NUP210: variants seen among roughly 807,000 people sequenced by gnomAD.
The protein encoded by NUP210 is nuclear pore membrane glycoprotein 210.
NUP210 carries 151 observed loss-of-function variants against 196.0 expected under a neutral mutation model. The observed-to-expected ratio is 0.77, with a 90% CI of 0.67 to 0.88. NUP210 has a LOEUF of 0.88. NUP210 is among the 40% of genes least tolerant of loss of function. The pLI, the probability that NUP210 is intolerant of heterozygous loss-of-function variation, is 0.00. For synonymous variants in NUP210, 1,070 were observed against 1,052.7 expected (o/e 1.02, Z -0.32); for missense variants, 2,314 against 2,493.7 (o/e 0.93, Z 1.53).
chr3:13,385,888 T>TACA (rs1443927983), intron 6 of NUP210, among the ~76,000 whole-genome samples: 1 of 152,206 alleles, frequency 6.6e-6, no homozygotes, highest in African/African-American at 2.4e-5. Flanking sequence ...CAACCCTTGC[T>TACA]ACAACATGGA....
In NUP210 at chr3:13,322,285, A is replaced by C; in HGVS notation, c.4823T>G (p.Leu1608Arg). 1 of 1,614,162 alleles carries C rather than the reference A, an allele frequency of 6.2e-7. No individual in the cohort carries two copies. The highest frequency in any genetic ancestry group is 8.5e-7 in the Non-Finnish European group (1 of 1,180,026). The change falls in exon 35 of 40, where the codon CTC becomes CGC. Residue 1608 changes from leucine (L) to arginine (R), a missense_variant. Coordinates refer to ENST00000254508, the MANE Select transcript of NUP210 (RefSeq NM_024923.4). ...EVIQALHPET[L>R]ISCQSQFKPA... ...CTTGAACTGGGACTGGCAGCTGATG[A>C]GGGTCTCTGGGTGCAAGGCCTGGAT...
chr3:13,360,433 A>C lies in NUP210; in HGVS notation c.1991T>G (p.Phe664Cys), dbSNP rs766285119. ...VTLGSSKEMLFEGGPRPWILE... is the reference protein window; with the variant it reads ...VTLGSSKEMLCEGGPRPWILE... ...GATCCAAGGTCTGGGACCTCCTTCAAACAGCATCTCCTTTGAGGAGCCCAG... is the reference window on the plus strand; with the variant it reads ...GATCCAAGGTCTGGGACCTCCTTCACACAGCATCTCCTTTGAGGAGCCCAG... Residue 664 changes from phenylalanine (F) to cysteine (C), a missense_variant, in exon 15 of 40, where the codon TTT becomes TGT. Coordinates refer to ENST00000254508, the MANE Select transcript of NUP210 (RefSeq NM_024923.4). 1 of 1,613,910 alleles carries C rather than the reference A, an allele frequency of 6.2e-7. No homozygotes were observed. Among genetic ancestry groups the C allele is most frequent in the Non-Finnish European group, 8.5e-7 (1 of 1,179,944 alleles).
chr3:13,375,430 A>G (rs34972175), intron 11 of NUP210, 74 bp downstream of exon 11: 53 of 1,422,210 alleles, frequency 3.7e-5, no homozygotes, highest in Non-Finnish European at 5.1e-5. Context: ...ACTAAAAGTA[A>G]TAGAATGGAC....
rs746541488 is a variant in NUP210, at chr3:13,323,352, G to C, written c.4725C>G (p.Ser1575=). The C allele has an allele frequency of 3.1e-6, 5 of 1,614,118 alleles. No individual in the cohort carries two copies. In the South Asian group the frequency reaches 4.4e-5, roughly 14 times the overall value. ...TGTCTCCCACGGCAACAATCACTTTGGAGGCTGTAGCCTCCTGGAAGCTGG... is the reference window on the plus strand; with the variant it reads ...TGTCTCCCACGGCAACAATCACTTTCGAGGCTGTAGCCTCCTGGAAGCTGG... ...IQTSFQEATA[S]KVIVAVGDRS... is the part of the protein sequence containing the mutation. The change falls in exon 34 of 40, where the codon TCC becomes TCG. Residue 1575 remains serine (S), a synonymous_variant. Coordinates refer to ENST00000254508, the MANE Select transcript of NUP210 (RefSeq NM_024923.4). The surrounding 1 kb of genome is among the most constrained non-coding windows in gnomAD (Gnocchi z 4.3).
chr3:13,330,142 T>G (rs982013181), intron 30 of NUP210, among the ~76,000 whole-genome samples: 1 of 152,206 alleles, frequency 6.6e-6, no homozygotes, highest in Non-Finnish European at 1.5e-5. Flanking sequence ...GCACAGTGGG[T>G]GGAGCACCCG....
rs1697765073 is a variant in NUP210, at chr3:13,347,047, A to T, written c.2836-3744T>A. The stretch of plus-strand genomic sequence containing the variant: ...GGATGCACCTGACTTCAGGCCCTGC[A>T]ATTGCCACCCACTCCCCACTCATCC... On this transcript the variant is annotated intron_variant, in intron 20 of 39. Transcript: ENST00000254508. The surrounding 1 kb of genome is among the most constrained non-coding windows in gnomAD (Gnocchi z 4.7). The T allele has an allele frequency of 1.0e-6, 1 of 985,244 alleles. No individual in the cohort carries two copies. The highest frequency in any genetic ancestry group is 6.2e-5 in the Admixed American group (1 of 16,260). 61.0% of individuals were successfully genotyped at this position (985,244 alleles called of 1,614,324 possible). A position where few individuals can be genotyped will look rare whatever the true frequency, so the allele number is the denominator to read the frequency against.
intron 32 of NUP210, 81 bp downstream of exon 32, chr3:13,327,136 G>C: frequency 8.8e-7 from 1 of 1,133,658 alleles, no homozygotes; most frequent in Middle Eastern, 2.0e-4. Flanking sequence ...GACTGGTGCC[G>C]AGCCCCTGCC....
In NUP210 at chr3:13,335,510, T is replaced by C. The variant is rs1396100648; in HGVS notation, c.3787A>G (p.Thr1263Ala). 3 of 1,614,090 alleles carry C rather than the reference T, an allele frequency of 1.9e-6. No individual in the cohort carries two copies. In the South Asian group the frequency reaches 3.3e-5, roughly 18 times the overall value. ...LRVVVKAVDP[T>A]SGQLYGLARE... ...GCCAGGCCATACAGCTGCCCCGATG[T>C]GGGGTCCACAGCCTTGACCACCACC... The change falls in exon 28 of 40, where the codon ACA becomes GCA. Residue 1263 changes from threonine to alanine, a missense_variant. Physicochemically the swap from Thr to Ala is moderately conservative, Grantham distance 58. Coordinates refer to ENST00000254508, the MANE Select transcript of NUP210 (RefSeq NM_024923.4).
chr3:13,333,386 C>A (rs931355521), intron 28 of NUP210, among the ~76,000 whole-genome samples: 2 of 152,248 alleles, frequency 1.3e-5, no homozygotes, highest in Non-Finnish European at 2.9e-5. Flanking sequence ...CTCCACTGGC[C>A]TCTGATCAGA....
rs59291391 is a variant in NUP210 at position 13,350,692 on chromosome 3, C to CT, written c.2835+1186dup. ...AGTTACAGGAAAAAAAATAGAAATT[C>CT]TTTTTTTTTTTTTTTTTTTGAGATG... On this transcript the variant is annotated intron_variant, in intron 20 of 39. Transcript: ENST00000254508. The surrounding 1 kb of genome is among the most constrained non-coding windows in gnomAD (Gnocchi z 4.1). Among the ~76,000 whole-genome samples the CT allele has an allele frequency of 4.6e-3, 599 of 131,470 alleles. 2 individuals carry two copies. Among genetic ancestry groups the CT allele is most frequent in the South Asian group, 6.6e-3 (27 of 4,064 alleles). 86.2% of individuals were successfully genotyped at this position (131,470 alleles called of 152,430 possible).
Position 13,317,031 on chromosome 3 carries a change from T to G in NUP210, c.*650A>C, listed in dbSNP as rs1696297489. ...ACTGAAGTCTGTTCACAGTGGCCCA[T>G]GGTTGGGCAGCAGCCCTGGGTGAGC... is the stretch of plus-strand genomic sequence containing the variant. On this transcript the variant is annotated 3_prime_UTR_variant, in exon 40 of 40. Coordinates refer to ENST00000254508, the MANE Select transcript of NUP210 (RefSeq NM_024923.4). The G allele has an allele frequency of 6.5e-6, 1 of 153,332 alleles. No homozygotes were observed. Among genetic ancestry groups the G allele is most frequent in the South Asian group, 2.1e-4 (1 of 4,860 alleles). 9.5% of individuals were successfully genotyped at this position (153,332 alleles called of 1,614,324 possible).
In NUP210 at chr3:13,323,868, A is replaced by G; in HGVS notation, c.4645-436T>C. ...CCACACCCAAACAGCCCCAGGCTGG[A>G]GACCTCCCTGCACTCCCTTGGCTAG... On this transcript the variant is annotated intron_variant, in intron 33 of 39. Coordinates refer to ENST00000254508, the MANE Select transcript of NUP210 (RefSeq NM_024923.4). The surrounding 1 kb of genome is among the most constrained non-coding windows in gnomAD (Gnocchi z 4.3). Among the ~76,000 whole-genome samples the G allele has an allele frequency of 6.6e-6, 1 of 152,084 alleles. No individual in the cohort carries two copies. The highest frequency in any genetic ancestry group is 1.5e-5 in the Non-Finnish European group (1 of 67,990).
At position 13,399,800 on chromosome 3, in the gene NUP210, AGCACTG is replaced by A. The variant is rs1338081123; in HGVS notation, c.223_228del (p.Gln75_Cys76del). The A allele has an allele frequency of 6.2e-7, 1 of 1,613,622 alleles. No homozygotes were observed. The highest frequency in any genetic ancestry group is 8.5e-7 in the Non-Finnish European group (1 of 1,179,886). On this transcript the variant is annotated inframe_deletion, in exon 2 of 40. Transcript: ENST00000254508. ...CGGGCCTGCACCACTGCCTTCTGGG[AGCACTG>A]CTGCTCGTCCAGGCCCAGCGGCTCG...
At chr3:13,418,563 C>A (rs896876568) in intron 1 of NUP210, among the ~76,000 whole-genome samples, 59 of 151,928 alleles carry the variant, frequency 3.9e-4, no homozygotes, top group African/African-American at 1.4e-3. Context: ...ACCAGCCTGG[C>A]CAACACAGTG....
At chr3:13,337,275 C>T (rs749223354) in intron 26 of NUP210, among the ~76,000 whole-genome samples, 1 of 152,194 alleles carries the variant, frequency 6.6e-6, no homozygotes, top group Non-Finnish European at 1.5e-5. Flanking sequence ...TAGCTGGGGT[C>T]CCTGCTCACA....
chr3:13,341,791 T>A lies in NUP210; in HGVS notation c.3185A>T (p.Asn1062Ile). Residue 1062 changes from asparagine to isoleucine, a missense_variant, in exon 23 of 40, where the codon AAT (asparagine) becomes ATT (isoleucine). Transcript: ENST00000254508. ...TGAGTTGATTCTCTGTCCAGCTTTA[T>A]TGGTCACACTTGCAGTTAGACTGGT... ...GQTSLTASVT[N>I]KAGQRINSAP... 1.9e-6 allele frequency: 3 copies of A among 1,614,254 alleles called. No individual in the cohort carries two copies. The South Asian group carries it at 3.3e-5, about 18-fold the overall frequency.
chr3:13,384,363 C>T (rs1304404634), intron 6 of NUP210, among the ~76,000 whole-genome samples: 2 of 152,142 alleles, frequency 1.3e-5, no homozygotes, highest in African/African-American at 4.8e-5. Flanking sequence ...CCAAGGAGTC[C>T]AACAGTTTTG....
At chr3:13,416,055 A>T (rs1408377411) in intron 1 of NUP210, among the ~76,000 whole-genome samples, 1 of 152,116 alleles carries the variant, frequency 6.6e-6, no homozygotes, top group Non-Finnish European at 1.5e-5. Context: ...CCCCAAGGCC[A>T]AGCTCCACGG....
Position 13,343,376 on chromosome 3 carries a change from T to C in NUP210, c.2836-73A>G. The C allele has an allele frequency of 7.1e-6, 11 of 1,545,962 alleles. No individual in the cohort carries two copies. The South Asian group carries it at 1.3e-4, about 18-fold the overall frequency. On this transcript the variant is annotated intron_variant, in intron 20 of 39. Coordinates refer to ENST00000254508, the MANE Select transcript of NUP210 (RefSeq NM_024923.4). Reference sequence around the variant, plus strand: ...CTGCAGGGCCCCCCTCTGCTCAGGTTTGTGAGCAGTGCCTCGCCCTCAGCA... The same window carrying C: ...CTGCAGGGCCCCCCTCTGCTCAGGTCTGTGAGCAGTGCCTCGCCCTCAGCA...
Sources: gnomAD v4.1 joint callset for allele counts (sites outside exome capture counted in the v4.1 genomes callset) on GRCh38, gnomAD v4.1.1 for gene constraint, Gnocchi (gnomAD v3.1) non-coding constraint, MANE v1.5 for transcripts, NCBI Gene and HGNC (gene_info 2026-07-23, HGNC 2026-07-21) for gene names.